The following SDHB variants were observed in gnomAD, a reference collection of about 807,000 sequenced individuals.
SDHB encodes the protein succinate dehydrogenase [ubiquinone] iron-sulfur subunit, mitochondrial.
A neutral mutation model predicts 39.7 loss-of-function variants in SDHB; 21 were observed. The observed-to-expected ratio is 0.53, with a 90% CI of 0.37 to 0.76. SDHB has a LOEUF of 0.76. SDHB is among the 30% of genes least tolerant of loss of function. The pLI, the probability that SDHB is intolerant of heterozygous loss-of-function variation, is 0.00. For synonymous variants in SDHB, 118 were observed against 117.0 expected, an observed-to-expected ratio of 1.01 and a Z score of -0.06; for missense variants, 343 against 350.9, an observed-to-expected ratio of 0.98 and a Z score of 0.18.
At chr1:17,025,808 A>C (rs913531133) in intron 5 of SDHB, among the ~76,000 whole-genome samples, 2 of 152,244 alleles carry the variant, frequency 1.3e-5, no homozygotes, top group Non-Finnish European at 2.9e-5. Flanking sequence ...TGAGTAAATG[A>C]GTAAATTTCT....
intron 3 of SDHB, among the ~76,000 whole-genome samples, chr1:17,032,044 G>A (rs1040159767): frequency 6.6e-6 from 1 of 152,068 alleles, no homozygotes; most frequent in Non-Finnish European, 1.5e-5. Context: ...CAGGCCAGTC[G>A]GTCTTCACTG....
chr1:17,028,831 G>GCAA, intron 3 of SDHB, 95 bp from the exon 4 acceptor site: 9 of 1,443,320 alleles, frequency 6.2e-6, no homozygotes, highest in Non-Finnish European at 8.7e-6. Context: ...TGTGCCATCA[G>GCAA]GGGCAGCACT....
At chr1:17,044,663 G>T in intron 2 of SDHB, 98 bp downstream of exon 2, 3 of 1,384,032 alleles carry the variant, frequency 2.2e-6, no homozygotes, top group Non-Finnish European at 3.1e-6. Flanking sequence ...GCCATCGGAT[G>T]ATCTCAGATT....
intron 2 of SDHB, 75 bp downstream of exon 2, chr1:17,044,682 TTCCA>T: frequency 1.3e-6 from 2 of 1,525,786 alleles, no homozygotes; most frequent in Non-Finnish European, 9.1e-7. Flanking sequence ...TTTTTAAGCC[TTCCA>T]AGGATGTGAA....
intron 1 of SDHB, 151 bp from the exon 2 acceptor site, chr1:17,045,039 CA>C (rs1341597655): frequency 4.2e-6 from 3 of 712,268 alleles, no homozygotes; most frequent in African/African-American, 1.8e-5. Flanking sequence ...CAATATCCAA[CA>C]AGTATTAAGC....
At chr1:17,039,955 T>C (rs2078071824) in intron 2 of SDHB, among the ~76,000 whole-genome samples, 1 of 152,228 alleles carries the variant, frequency 6.6e-6, no homozygotes, top group South Asian at 2.1e-4. Context: ...CTGGTATTAT[T>C]TTTCCTCAGC....
intron 3 of SDHB, among the ~76,000 whole-genome samples, chr1:17,031,642 A>C (rs1002951678): frequency 5.9e-5 from 9 of 152,258 alleles, no homozygotes; most frequent in African/African-American, 2.2e-4. Flanking sequence ...TAGCTGAATC[A>C]AAACAGATGT....
intron 1 of SDHB, among the ~76,000 whole-genome samples, chr1:17,053,061 A>G (rs1452940279): frequency 6.6e-6 from 1 of 152,216 alleles, no homozygotes; most frequent in Non-Finnish European, 1.5e-5. Context: ...AGAATCCCAG[A>G]AGAGGAACAG....
Position 17,028,691 on chromosome 1 carries a change from A to C in SDHB, c.332T>G (p.Leu111Arg). 1 of 1,614,160 alleles carries C rather than the reference A, an allele frequency of 6.2e-7. No individual in the cohort carries two copies. Among genetic ancestry groups the C allele is most frequent in the Non-Finnish European group, 8.5e-7 (1 of 1,180,006 alleles). The change falls in exon 4 of 8, where the codon CTA (leucine) becomes CGA (arginine). Residue 111 changes from leucine (L) to arginine (R), a missense_variant. Transcript: ENST00000375499. ...CAMNINGGNT[L>R]ACTRRIDTNL... Reference sequence around the variant, plus strand: ...GGTGTCAATCCTTCGGGTGCAAGCTAGAGTGTTGCCTCCATTGATGTTCAT... The same window carrying C: ...GGTGTCAATCCTTCGGGTGCAAGCTCGAGTGTTGCCTCCATTGATGTTCAT...
intron 2 of SDHB, among the ~76,000 whole-genome samples, chr1:17,033,383 G>A (rs1276266116): frequency 6.6e-6 from 1 of 152,186 alleles, no homozygotes; most frequent in African/African-American, 2.4e-5. Context: ...TAAAGTAGTA[G>A]TAGACAAGTA....
chr1:17,030,798 C>T (rs2101526125), intron 3 of SDHB, among the ~76,000 whole-genome samples: 1 of 152,160 alleles, frequency 6.6e-6, no homozygotes, highest in African/African-American at 2.4e-5. Flanking sequence ...TCTCCTGCCT[C>T]AGCCTCCTGA....
In SDHB at chr1:17,018,941, T is replaced by C. The variant is rs1060505014; in HGVS notation, c.783A>G (p.Lys261=). ...TCATTTTCTTGATCTCTGCAATAGC[T>C]TTCCCTGGATTCAGACCCTTGAAAA... ...RTCPKGLNPG[K]AIAEIKKMMA... is the part of the protein sequence containing the mutation. Residue 261 remains lysine, a synonymous_variant, in exon 8 of 8, where the codon AAA becomes AAG. Coordinates refer to ENST00000375499, the MANE Select transcript of SDHB (RefSeq NM_003000.3). 4.3e-6 allele frequency: 7 copies of C among 1,611,882 alleles called. No homozygotes were observed. The East Asian group carries it at 1.6e-4, about 36-fold the overall frequency.
intron 3 of SDHB, 69 bp downstream of exon 3, chr1:17,032,991 G>T: frequency 1.7e-6 from 2 of 1,199,218 alleles, no homozygotes; most frequent in Non-Finnish European, 2.5e-6. Flanking sequence ...GTCTCTATCA[G>T]CTTTGGCCAG....
chr1:17,044,725 T>C (rs748407135), intron 2 of SDHB, 36 bp downstream of exon 2: 9 of 1,609,820 alleles, frequency 5.6e-6, no homozygotes, highest in Non-Finnish European at 7.6e-6. Context: ...AATCAAGAAC[T>C]CTCCTTCAAT....
chr1:17,049,644 G>GTTTTTTT (rs1570960889), intron 1 of SDHB, among the ~76,000 whole-genome samples: 4 of 45,922 alleles, frequency 8.7e-5, no homozygotes, highest in East Asian at 1.1e-3. Flanking sequence ...TAATCCCCTA[G>GTTTTTTT]TTCTTTTTTT....
At chr1:17,045,632 A>G (rs1239156271) in intron 1 of SDHB, among the ~76,000 whole-genome samples, 1 of 152,112 alleles carries the variant, frequency 6.6e-6, no homozygotes, top group Non-Finnish European at 1.5e-5. Context: ...AAAAGAAAGA[A>G]AAGACTATAC....
intron 1 of SDHB, among the ~76,000 whole-genome samples, chr1:17,047,694 A>G (rs992555800): frequency 7.3e-5 from 11 of 151,686 alleles, no homozygotes; most frequent in Non-Finnish European, 1.6e-4. Context: ...AAAAAAAAAA[A>G]AAAGAGAGAG....
chr1:17,046,710 A>C (rs6690919), intron 1 of SDHB, among the ~76,000 whole-genome samples: 63,996 of 151,898 alleles, frequency 0.42, 15,126 homozygotes, highest in Non-Finnish European at 0.54. Flanking sequence ...AAAAAATTAA[A>C]CTATTTATTT....
At chr1:17,030,202 A>T (rs2078015010) in intron 3 of SDHB, among the ~76,000 whole-genome samples, 1 of 152,074 alleles carries the variant, frequency 6.6e-6, no homozygotes, top group South Asian at 2.1e-4. Flanking sequence ...AAAAAGAAAA[A>T]AATAATTGTT....
Sources: allele counts gnomAD v4.1 joint callset (sites outside exome capture counted in the v4.1 genomes callset), GRCh38; gene constraint gnomAD v4.1.1; transcripts MANE v1.5; gene names NCBI Gene and HGNC (gene_info 2026-07-23, HGNC 2026-07-21).